Variants in MAST4 observed in about 807,000 individuals in gnomAD.
MAST4 encodes the protein microtubule-associated serine/threonine-protein kinase 4.
Under a neutral mutation model 162.7 loss-of-function variants are expected in MAST4, and 89 were observed. The observed-to-expected ratio is 0.55, with a 90% CI of 0.46 to 0.65. MAST4 has a LOEUF of 0.65. Among genes scored for constraint, MAST4 ranks in the 30% least tolerant of loss-of-function variants. MAST4 has a pLI of 0.00. For synonymous variants in MAST4, 1,479 were observed against 1,361.1 expected, an observed-to-expected ratio of 1.09 and a Z score of -1.91; for missense variants, 3,153 against 3,374.0, an observed-to-expected ratio of 0.93 and a Z score of 1.62.
At chr5:67,019,208 A>G (rs2150380140) in intron 4 of MAST4, among the ~76,000 whole-genome samples, 3 of 152,318 alleles carry the variant, frequency 2.0e-5, no homozygotes, top group Admixed American at 6.5e-5. Flanking sequence ...GCACATTGGA[A>G]AGGCGTCCAG....
chr5:67,162,515 C>A, intron 27 of MAST4, 92 bp from the exon 28 acceptor site: 1 of 1,167,500 alleles, frequency 8.6e-7, no homozygotes. Context: ...CTGTCCCTCA[C>A]ACGGAGTTAT....
At chr5:66,900,112 T>C (rs1762915872) in intron 4 of MAST4, 130 bp downstream of exon 4, 1 of 653,006 alleles carries the variant, frequency 1.5e-6, no homozygotes, top group Non-Finnish European at 2.3e-6. Flanking sequence ...AAAAACTGAA[T>C]TTATTTATAA....
At chr5:66,839,369 C>CA (rs965008267) in intron 3 of MAST4, among the ~76,000 whole-genome samples, 73 of 152,086 alleles carry the variant, frequency 4.8e-4, no homozygotes, top group African/African-American at 1.7e-3. Flanking sequence ...GTAAAGTTAC[C>CA]AACTATAATA....
chr5:66,939,972 C>T (rs1743186432), intron 4 of MAST4, among the ~76,000 whole-genome samples: 1 of 152,052 alleles, frequency 6.6e-6, no homozygotes, highest in Non-Finnish European at 1.5e-5. Flanking sequence ...TAGTCTAGGG[C>T]AGGAGGATGC....
Position 67,078,816 on chromosome 5 carries a change from T to A in MAST4, c.764-11346T>A, listed in dbSNP as rs868164805. Among the ~76,000 whole-genome samples the A allele has an allele frequency of 8.3e-3, 865 of 104,350 alleles. 5 individuals carry two copies. The highest frequency in any genetic ancestry group is 0.02 in the South Asian group (80 of 3,932). 68.5% of individuals were successfully genotyped at this position (104,350 alleles called of 152,430 possible). On this transcript the variant is annotated intron_variant, in intron 5 of 28. Coordinates refer to ENST00000403625, the MANE Select transcript of MAST4 (RefSeq NM_001164664.2). The stretch of plus-strand genomic sequence containing the variant: ...TAAATATATTTATTTATATTTATAT[T>A]TTTATATTTATATTTATATATTTAA...
At chr5:67,089,398 C>T (rs1033876724) in intron 5 of MAST4, among the ~76,000 whole-genome samples, 8 of 152,186 alleles carry the variant, frequency 5.3e-5, no homozygotes, top group African/African-American at 1.9e-4. Context: ...TTCCAACGAG[C>T]AATCACTGCC....
At chr5:66,919,484 A>G (rs1291364636) in intron 4 of MAST4, among the ~76,000 whole-genome samples, 1 of 151,764 alleles carries the variant, frequency 6.6e-6, no homozygotes, top group Non-Finnish European at 1.5e-5. Context: ...AACATGTTGA[A>G]CCCCATCTCT....
At chr5:66,897,067 T>A (rs1030025696) in intron 3 of MAST4, among the ~76,000 whole-genome samples, 3 of 152,220 alleles carry the variant, frequency 2.0e-5, no homozygotes, top group Non-Finnish European at 2.9e-5. Flanking sequence ...TCAATATCAA[T>A]GAAAATCTAG....
chr5:66,797,566 G>A (rs181606600), intron 3 of MAST4, among the ~76,000 whole-genome samples: 157 of 152,238 alleles, frequency 1.0e-3, no homozygotes, highest in African/African-American at 3.5e-3. Context: ...GAAAATCTGT[G>A]CGAAACGTGG....
intron 1 of MAST4, among the ~76,000 whole-genome samples, chr5:66,709,233 A>T (rs1214343808): frequency 6.6e-6 from 1 of 150,538 alleles, no homozygotes; most frequent in Non-Finnish European, 1.5e-5. Flanking sequence ...GTTTGAAATT[A>T]AAAAAAAAAT....
chr5:66,932,403 G>A (rs1742281305), intron 4 of MAST4, among the ~76,000 whole-genome samples: 1 of 152,142 alleles, frequency 6.6e-6, no homozygotes, highest in Non-Finnish European at 1.5e-5. Context: ...ATGTGATTGT[G>A]GAAGTGGAGG....
In MAST4 at chr5:66,961,613, T is replaced by G. The variant is rs112812034; in HGVS notation, c.674+61631T>G. Among the ~76,000 whole-genome samples the G allele has an allele frequency of 2.4e-3, 370 of 152,360 alleles. 1 individual carries two copies. The highest frequency in any genetic ancestry group is 8.3e-3 in the African/African-American group (347 of 41,574). ...ATAGCCTATGCCTGGCTTTCCAGTT[T>G]CTGAGAAAGGTAGATTTTTTTGTTT... On this transcript the variant is annotated intron_variant, in intron 4 of 28. Coordinates refer to ENST00000403625, the MANE Select transcript of MAST4 (RefSeq NM_001164664.2).
chr5:66,838,635 C>G (rs1242873502), intron 3 of MAST4, among the ~76,000 whole-genome samples: 1 of 152,150 alleles, frequency 6.6e-6, no homozygotes, highest in African/African-American at 2.4e-5. Context: ...GTGCCCTGCT[C>G]TGCGGAAGGA....
At chr5:66,930,749 A>T (rs1478796726) in intron 4 of MAST4, 1 of 470,892 alleles carries the variant, frequency 2.1e-6, no homozygotes, top group Admixed American at 2.3e-5. Context: ...TCTTTCAGCA[A>T]CTGAGCGATT....
At chr5:66,749,476 G>C (rs971449238) in intron 1 of MAST4, among the ~76,000 whole-genome samples, 2 of 152,182 alleles carry the variant, frequency 1.3e-5, no homozygotes, top group African/African-American at 4.8e-5. Flanking sequence ...TCTCACTTGA[G>C]CCATAAAAAC....
intron 1 of MAST4, among the ~76,000 whole-genome samples, chr5:66,684,452 A>C (rs117356252): frequency 6.6e-6 from 1 of 152,336 alleles, no homozygotes; most frequent in East Asian, 1.9e-4. Context: ...TTTCATTTGA[A>C]GCGACAGTAG....
chr5:67,049,988 C>G (rs2150535541), intron 4 of MAST4, among the ~76,000 whole-genome samples: 1 of 152,250 alleles, frequency 6.6e-6, no homozygotes, highest in South Asian at 2.1e-4. Context: ...CCCACCAAGC[C>G]TTTCTTATGG....
rs1402738185 is a variant in MAST4, at chr5:67,166,048, G to T, written c.6869G>T (p.Ser2290Ile). ...APLDAKPQPT[S>I]GGRPLEVLEK... ...CTAGACGCCAAGCCACAACCCACCA[G>T]TGGTGGGCGGCCCCTGGAGGTGCTG... Residue 2290 changes from serine to isoleucine, a missense_variant, in exon 29 of 29, where the codon AGT becomes ATT. Physicochemically the swap from Ser to Ile is moderately radical, Grantham distance 142 (BLOSUM62 -2). Coordinates refer to ENST00000403625, the MANE Select transcript of MAST4 (RefSeq NM_001164664.2). The T allele has an allele frequency of 6.2e-7, 1 of 1,613,724 alleles. No homozygotes were observed. Among genetic ancestry groups the T allele is most frequent in the Admixed American group, 1.7e-5 (1 of 59,998 alleles).
chr5:67,143,936 G>A (rs1370643246), intron 21 of MAST4, among the ~76,000 whole-genome samples: 1 of 152,074 alleles, frequency 6.6e-6, no homozygotes, highest in African/African-American at 2.4e-5. Context: ...CATGAGAGCA[G>A]CAAGTGTCTG....
Sources: allele counts gnomAD v4.1 joint callset (sites outside exome capture counted in the v4.1 genomes callset), GRCh38; gene constraint gnomAD v4.1.1; transcripts MANE v1.5; gene names NCBI Gene and HGNC (gene_info 2026-07-23, HGNC 2026-07-21).